DSCAM: variants seen among roughly 807,000 people sequenced by gnomAD.
DSCAM encodes the protein cell adhesion molecule DSCAM.
In DSCAM, 47 loss-of-function variants were observed where a neutral mutation model predicts 217.7. The observed-to-expected ratio is 0.22, with a 90% CI of 0.17 to 0.28. DSCAM has a LOEUF of 0.28. Among genes scored for constraint, DSCAM ranks in the 10% least tolerant of loss-of-function variants. The pLI is 1.00. For missense variants in DSCAM, 2,080 were observed against 2,618.3 expected, an observed-to-expected ratio of 0.79 and a Z score of 4.49; for synonymous variants, 1,056 against 1,015.3, an observed-to-expected ratio of 1.04 and a Z score of -0.76.
chr21:40,118,734 T>C lies in DSCAM; in HGVS notation c.3696+5461A>G, dbSNP rs536899105. On this transcript the variant is annotated intron_variant, in intron 20 of 32. Coordinates refer to ENST00000400454, the MANE Select transcript of DSCAM (RefSeq NM_001389.5). ...TCTTCCTGCAAGCCAGGGCTAGCTA[T>C]GTGTTCCAAGCAACCATCTCTGGCC... Among the ~76,000 whole-genome samples the C allele has an allele frequency of 1.4e-3, 218 of 152,334 alleles. 1 individual carries two copies. The highest frequency in any genetic ancestry group is 5.0e-3 in the African/African-American group (209 of 41,580).
At chr21:40,244,221 C>T (rs543851681) in intron 11 of DSCAM, among the ~76,000 whole-genome samples, 57 of 152,192 alleles carry the variant, frequency 3.7e-4, no homozygotes, top group Admixed American at 2.3e-3. Flanking sequence ...GAGGCCAAGG[C>T]GGGTGGATCA....
At chr21:40,650,691 G>A (rs966886686) in intron 3 of DSCAM, among the ~76,000 whole-genome samples, 15 of 152,188 alleles carry the variant, frequency 9.9e-5, no homozygotes, top group Non-Finnish European at 1.8e-4. Context: ...CAAGGCGGGC[G>A]GATCATGAGG....
intron 1 of DSCAM, among the ~76,000 whole-genome samples, chr21:40,748,407 TA>T (rs1457146600): frequency 2.0e-5 from 3 of 151,888 alleles, no homozygotes; most frequent in African/African-American, 7.2e-5. Context: ...AATTAACATA[TA>T]AAAATCAGTA....
chr21:40,428,613 T>C (rs1239658214), intron 3 of DSCAM, among the ~76,000 whole-genome samples: 2 of 151,996 alleles, frequency 1.3e-5, no homozygotes, highest in South Asian at 4.2e-4. Context: ...CAGTTATGAG[T>C]CTTTTATAGA....
chr21:40,473,774 T>C lies in DSCAM; in HGVS notation c.509-104529A>G, dbSNP rs532564552. Among the ~76,000 whole-genome samples the C allele has an allele frequency of 5.9e-5, 9 of 152,042 alleles. No homozygotes were observed. In the South Asian group the frequency reaches 8.3e-4, roughly 14 times the overall value. ...CCCTAATCCAGTATGACTGGTGTCA[T>C]TGGAAGAGGTGGAAGTGAGAACACA... On this transcript the variant is annotated intron_variant, in intron 3 of 32. Coordinates refer to ENST00000400454, the MANE Select transcript of DSCAM (RefSeq NM_001389.5).
chr21:40,156,026 T>G (rs1281132785), intron 16 of DSCAM, among the ~76,000 whole-genome samples: 2 of 151,448 alleles, frequency 1.3e-5, no homozygotes, highest in Non-Finnish European at 2.9e-5. Context: ...GTCCTTAAAC[T>G]GGAACTGCCT....
intron 9 of DSCAM, among the ~76,000 whole-genome samples, chr21:40,305,187 C>T (rs113429678): frequency 5.9e-5 from 9 of 151,902 alleles, no homozygotes; most frequent in African/African-American, 1.7e-4. Flanking sequence ...GCCAGGAGTT[C>T]GAGACCAGCC....
intron 3 of DSCAM, among the ~76,000 whole-genome samples, chr21:40,381,450 C>G (rs1409718940): frequency 1.3e-5 from 2 of 152,102 alleles, no homozygotes; most frequent in Non-Finnish European, 2.9e-5. Flanking sequence ...ACTGTCTGTT[C>G]CAGTTGTGGG....
chr21:40,560,257 GT>G (rs1419650537), intron 3 of DSCAM, among the ~76,000 whole-genome samples: 1 of 152,218 alleles, frequency 6.6e-6, no homozygotes, highest in Non-Finnish European at 1.5e-5. Flanking sequence ...CAGGAAATTA[GT>G]TGCCCTGGAT....
At chr21:40,110,370 GA>G (rs1212227762) in intron 20 of DSCAM, among the ~76,000 whole-genome samples, 3 of 152,138 alleles carry the variant, frequency 2.0e-5, no homozygotes, top group Non-Finnish European at 4.4e-5. Flanking sequence ...CTGTCAGAAG[GA>G]AAACTAACAA....
chr21:40,426,222 CCTGA>C (rs1264752086), intron 3 of DSCAM, among the ~76,000 whole-genome samples: 3 of 152,210 alleles, frequency 2.0e-5, no homozygotes, highest in African/African-American at 7.2e-5. Context: ...CCTAAACTAG[CCTGA>C]CTGCTGTCAC....
At chr21:40,661,274 G>C (rs1015595) in intron 3 of DSCAM, among the ~76,000 whole-genome samples, 6,829 of 152,148 alleles carry the variant, frequency 0.045, 418 homozygotes, top group African/African-American at 0.14. Context: ...AATGTGAGTG[G>C]GACCTCAATT....
chr21:40,633,370 C>G (rs2089716980), intron 3 of DSCAM, among the ~76,000 whole-genome samples: 1 of 152,174 alleles, frequency 6.6e-6, no homozygotes, highest in Non-Finnish European at 1.5e-5. Context: ...TTCCACATCT[C>G]TCTGCAAGAG....
At chr21:40,175,811 A>ACGCACGCACGCACG (rs112452108) in intron 15 of DSCAM, among the ~76,000 whole-genome samples, 1 of 127,476 alleles carries the variant, frequency 7.8e-6, no homozygotes, top group Non-Finnish European at 1.7e-5. Flanking sequence ...ACACACACGC[A>ACGCACGCACGCACG]CACACACACA....
chr21:40,450,204 C>A (rs2075707375), intron 3 of DSCAM, among the ~76,000 whole-genome samples: 1 of 152,162 alleles, frequency 6.6e-6, no homozygotes, highest in Non-Finnish European at 1.5e-5. Context: ...CCAAACCAAA[C>A]AACGTAACAT....
intron 4 of DSCAM, among the ~76,000 whole-genome samples, chr21:40,366,494 A>G (rs62223800): frequency 0.03 from 4,505 of 152,046 alleles, 87 homozygotes; most frequent in African/African-American, 0.051. Context: ...TTGTTTCATC[A>G]TTTTATTTCT....
chr21:40,032,880 T>C (rs1297377578), intron 32 of DSCAM, among the ~76,000 whole-genome samples: 6 of 152,200 alleles, frequency 3.9e-5, no homozygotes, highest in East Asian at 1.9e-4. Flanking sequence ...GCAGAGGAGA[T>C]TGAAGCCCCA....
chr21:40,754,156 C>A (rs1345635236), intron 1 of DSCAM, among the ~76,000 whole-genome samples: 2 of 152,202 alleles, frequency 1.3e-5, no homozygotes, highest in African/African-American at 4.8e-5. Flanking sequence ...TCCGACACAT[C>A]CTCCGTGTTT....
Position 40,268,678 on chromosome 21 carries a change from G to A in DSCAM, c.2356+7419C>T, listed in dbSNP as rs2073573713. 2.0e-5 allele frequency among the ~76,000 whole-genome samples: 3 copies of A among 152,162 alleles called. No individual in the cohort carries two copies. In the South Asian group the frequency reaches 6.2e-4, roughly 32 times the overall value. ...CCCAGTAATTTTTCGAAAGGCTGTG[G>A]TGGCTCATGCCTGTAATTCCAGCAC... On this transcript the variant is annotated intron_variant, in intron 11 of 32. Coordinates refer to ENST00000400454, the MANE Select transcript of DSCAM (RefSeq NM_001389.5).
Sources: gnomAD v4.1 joint callset for allele counts (sites outside exome capture counted in the v4.1 genomes callset) on GRCh38, gnomAD v4.1.1 for gene constraint, MANE v1.5 for transcripts, NCBI Gene and HGNC (gene_info 2026-07-23, HGNC 2026-07-21) for gene names.